The following KLHL1 variants were observed in gnomAD, a reference collection of about 807,000 sequenced individuals.
KLHL1 encodes kelch-like protein 1.
Under a neutral mutation model 77.7 loss-of-function variants are expected in KLHL1, and 47 were observed. The ratio of observed to expected loss-of-function variants is 0.60; its 90% CI spans 0.48 to 0.77. The LOEUF (loss-of-function observed/expected upper bound fraction) is 0.77. Among genes scored for constraint, KLHL1 ranks in the 30% least tolerant of loss-of-function variants. The pLI is 0.00. For synonymous variants in KLHL1, 360 were observed against 325.2 expected (o/e 1.11, Z -1.15); for missense variants, 925 against 910.8 (o/e 1.02, Z -0.20).
At chr13:69,791,021 G>A (rs1244183184) in intron 7 of KLHL1, among the ~76,000 whole-genome samples, 1 of 151,856 alleles carries the variant, frequency 6.6e-6, no homozygotes, top group Non-Finnish European at 1.5e-5. Flanking sequence ...AGTGAATGCT[G>A]GAGGGTCAAG....
At chr13:69,956,821 T>A (rs770690633) in intron 3 of KLHL1, among the ~76,000 whole-genome samples, 3 of 151,686 alleles carry the variant, frequency 2.0e-5, no homozygotes, top group Non-Finnish European at 4.4e-5. Context: ...AAATGCTTAT[T>A]TGAAATATGA....
chr13:69,984,561 A>G (rs372450116), intron 1 of KLHL1, among the ~76,000 whole-genome samples: 10 of 152,292 alleles, frequency 6.6e-5, no homozygotes, highest in South Asian at 2.1e-4. Context: ...TTTGGGCTCT[A>G]TGTAAATCAG....
chr13:69,702,065 G>A (rs1875418618), intron 10 of KLHL1, among the ~76,000 whole-genome samples: 1 of 151,644 alleles, frequency 6.6e-6, no homozygotes, highest in Admixed American at 6.6e-5. Context: ...CTATTCTGGA[G>A]TTTGCATGGA....
chr13:69,951,547 T>C (rs906060065), intron 3 of KLHL1, among the ~76,000 whole-genome samples: 2 of 151,468 alleles, frequency 1.3e-5, no homozygotes, highest in East Asian at 1.9e-4. Flanking sequence ...GTTGGCAGTT[T>C]TAATAGTTTA....
chr13:70,101,127 A>C (rs982713039), intron 1 of KLHL1, among the ~76,000 whole-genome samples: 1 of 152,188 alleles, frequency 6.6e-6, no homozygotes, highest in Non-Finnish European at 1.5e-5. Context: ...ATTATATTCT[A>C]TGTTAGCCAG....
chr13:70,089,010 C>T (rs1185274749), intron 1 of KLHL1, among the ~76,000 whole-genome samples: 1 of 151,950 alleles, frequency 6.6e-6, no homozygotes, highest in Non-Finnish European at 1.5e-5. Context: ...ATCAGAAAAC[C>T]CAGCAGGGCA....
chr13:69,847,004 T>A (rs1415579414), intron 5 of KLHL1, among the ~76,000 whole-genome samples: 1 of 151,486 alleles, frequency 6.6e-6, no homozygotes, highest in African/African-American at 2.4e-5. Flanking sequence ...CATGTCTTTT[T>A]AAAAAATTGT....
At chr13:69,945,821 A>T (rs546479376) in intron 3 of KLHL1, among the ~76,000 whole-genome samples, 34 of 152,262 alleles carry the variant, frequency 2.2e-4, no homozygotes, top group African/African-American at 8.2e-4. Context: ...CTGCTCCTAG[A>T]TGTTTGCTCA....
chr13:69,961,397 C>T lies in KLHL1; in HGVS notation c.728G>A (p.Ser243Asn). Residue 243 changes from serine to asparagine, a missense_variant, in exon 3 of 11, where the codon AGT becomes AAT. By Grantham distance (46) the Ser-to-Asn change is conservative. Coordinates refer to ENST00000377844, the MANE Select transcript of KLHL1 (RefSeq NM_020866.3). The part of the protein sequence containing the change: ...VSDYFAAMFT[S>N]DVCEAKQEEI... ...CTCTTGCTTGGCTTCACAAACATCACTTGTAAACATGGCCGCAAAATAGTC... is the reference window on the plus strand; with the variant it reads ...CTCTTGCTTGGCTTCACAAACATCATTTGTAAACATGGCCGCAAAATAGTC... 6.2e-7 allele frequency: 1 copy of T among 1,613,064 alleles called. No homozygotes were observed. Among genetic ancestry groups the T allele is most frequent in the Non-Finnish European group, 8.5e-7 (1 of 1,179,394 alleles).
intron 7 of KLHL1, among the ~76,000 whole-genome samples, chr13:69,779,798 A>AT (rs1433487046): frequency 6.6e-6 from 1 of 151,584 alleles, no homozygotes; most frequent in Non-Finnish European, 1.5e-5. Context: ...TTTATTTTTT[A>AT]TTTATTTTAT....
At chr13:69,711,254 A>T (rs1336101735) in intron 9 of KLHL1, among the ~76,000 whole-genome samples, 1 of 152,140 alleles carries the variant, frequency 6.6e-6, no homozygotes, top group Non-Finnish European at 1.5e-5. Context: ...GCAATTAAAC[A>T]ATAAAGAAGT....
chr13:70,095,610 T>C (rs1887770362), intron 1 of KLHL1, among the ~76,000 whole-genome samples: 1 of 152,172 alleles, frequency 6.6e-6, no homozygotes, highest in African/African-American at 2.4e-5. Flanking sequence ...TACAAGCATA[T>C]AATATGTAAT....
intron 3 of KLHL1, among the ~76,000 whole-genome samples, chr13:69,943,061 T>G (rs1461373061): frequency 6.6e-6 from 1 of 152,092 alleles, no homozygotes; most frequent in Non-Finnish European, 1.5e-5. Flanking sequence ...CTTATATTAT[T>G]TCCCCTTTAT....
chr13:70,061,330 C>T (rs1324662790), intron 1 of KLHL1, among the ~76,000 whole-genome samples: 1 of 129,476 alleles, frequency 7.7e-6, no homozygotes, highest in Non-Finnish European at 1.8e-5. Context: ...CCTTGGCAGT[C>T]CTGAATTCCA....
At chr13:69,797,545 A>C (rs1468176819) in intron 6 of KLHL1, among the ~76,000 whole-genome samples, 2 of 152,060 alleles carry the variant, frequency 1.3e-5, no homozygotes, top group Non-Finnish European at 2.9e-5. Flanking sequence ...GGCCAGGCGC[A>C]ATGGCTCACG....
In KLHL1 at chr13:69,846,702, CTTG is replaced by C. The variant is rs1879473555; in HGVS notation, c.1228-7543_1228-7541del. Among the ~76,000 whole-genome samples, 4 of 151,250 alleles carry C rather than the reference CTTG, an allele frequency of 2.6e-5. No homozygotes were observed. In the South Asian group the frequency reaches 6.2e-4, roughly 24 times the overall value. On this transcript the variant is annotated intron_variant, in intron 5 of 10. Coordinates refer to ENST00000377844, the MANE Select transcript of KLHL1 (RefSeq NM_020866.3). ...TGTTACTATAATACACCATAATTTA[CTTG>C]TTGATGGTTTCATACATTGAACCAC...
At chr13:69,752,947 C>T (rs1478315404) in intron 7 of KLHL1, among the ~76,000 whole-genome samples, 3 of 152,178 alleles carry the variant, frequency 2.0e-5, no homozygotes, top group Non-Finnish European at 4.4e-5. Context: ...TGGAGAGTGA[C>T]TATGCATGGT....
At chr13:70,058,106 T>C (rs1886793720) in intron 1 of KLHL1, among the ~76,000 whole-genome samples, 3 of 152,166 alleles carry the variant, frequency 2.0e-5, no homozygotes, top group Admixed American at 2.0e-4. Flanking sequence ...CACAGAGCCA[T>C]ATATGACAGT....
At chr13:70,033,324 C>G (rs969078840) in intron 1 of KLHL1, among the ~76,000 whole-genome samples, 2 of 152,078 alleles carry the variant, frequency 1.3e-5, no homozygotes, top group African/African-American at 4.8e-5. Flanking sequence ...GAGTCTCTCT[C>G]TGTCGCCCAG....
Sources: gnomAD v4.1 joint callset for allele counts (sites outside exome capture counted in the v4.1 genomes callset) on GRCh38, gnomAD v4.1.1 for gene constraint, MANE v1.5 for transcripts, NCBI Gene and HGNC (gene_info 2026-07-23, HGNC 2026-07-21) for gene names.